KIAA1549L: variants seen among roughly 807,000 people sequenced by gnomAD.
The protein encoded by KIAA1549L is KIAA1549 like, also known as UPF0606 protein KIAA1549L.
In KIAA1549L, 88 loss-of-function variants were observed where a neutral mutation model predicts 160.7. That is an observed-to-expected ratio of 0.55 (90% CI 0.46 to 0.65). KIAA1549L has a LOEUF of 0.65. KIAA1549L is among the 30% of genes least tolerant of loss of function. The probability of loss-of-function intolerance (pLI) is 0.00; values close to 1 mark genes in which losing one functional copy is unlikely to be tolerated. For missense variants in KIAA1549L, 2,258 were observed against 2,437.5 expected, an observed-to-expected ratio of 0.93 and a Z score of 1.55; for synonymous variants, 950 against 976.7, an observed-to-expected ratio of 0.97 and a Z score of 0.51.
At chr11:33,452,151 C>A (rs1851733455) in intron 1 of KIAA1549L, among the ~76,000 whole-genome samples, 1 of 152,204 alleles carries the variant, frequency 6.6e-6, no homozygotes, top group Non-Finnish European at 1.5e-5. Flanking sequence ...TTCATTTGCC[C>A]AGCTCTCACA....
chr11:33,610,932 G>T (rs75938310), intron 15 of KIAA1549L, among the ~76,000 whole-genome samples: 1 of 152,186 alleles, frequency 6.6e-6, no homozygotes, highest in Admixed American at 6.5e-5. Context: ...GCAAGAGCAG[G>T]CCAAATAATG....
At chr11:33,490,760 C>T (rs1167646609) in intron 1 of KIAA1549L, among the ~76,000 whole-genome samples, 1 of 152,198 alleles carries the variant, frequency 6.6e-6, no homozygotes, top group Non-Finnish European at 1.5e-5. Flanking sequence ...CCTGCCTTTG[C>T]ATTGACATTT....
At chr11:33,397,283 G>C (rs1436700579) in intron 1 of KIAA1549L, among the ~76,000 whole-genome samples, 1 of 147,726 alleles carries the variant, frequency 6.8e-6, no homozygotes, top group African/African-American at 2.5e-5. Context: ...GCAGTGAGCT[G>C]GGGTTGTGCC....
chr11:33,554,449 T>G (rs1854577518), intron 6 of KIAA1549L, among the ~76,000 whole-genome samples: 1 of 152,176 alleles, frequency 6.6e-6, no homozygotes, highest in African/African-American at 2.4e-5. Flanking sequence ...AGGTTCACAT[T>G]TATTCCGACA....
At chr11:33,540,089 T>C (rs1220979057) in intron 1 of KIAA1549L, among the ~76,000 whole-genome samples, 4 of 152,214 alleles carry the variant, frequency 2.6e-5, no homozygotes, top group Admixed American at 1.3e-4. Context: ...TTGGCCGTGG[T>C]CATTCAGTCA....
intron 11 of KIAA1549L, among the ~76,000 whole-genome samples, chr11:33,585,854 T>C (rs570765959): frequency 5.9e-5 from 9 of 152,346 alleles, no homozygotes; most frequent in African/African-American, 1.7e-4. Context: ...GTGAGATACC[T>C]GGCTGACATT....
chr11:33,628,754 G>A lies in KIAA1549L; in HGVS notation c.5409+10092G>A, dbSNP rs1437125594. Among the ~76,000 whole-genome samples the A allele has an allele frequency of 2.0e-5, 3 of 151,056 alleles. No individual in the cohort carries two copies. The East Asian group carries it at 5.8e-4, about 29-fold the overall frequency. Reference sequence around the variant, plus strand: ...CTCTTTATCCAATTTGCCAGTCTGTGTCTTTTAATTGGAGCATTTAGTCCA... The same window carrying A: ...CTCTTTATCCAATTTGCCAGTCTGTATCTTTTAATTGGAGCATTTAGTCCA... On this transcript the variant is annotated intron_variant, in intron 16 of 20. Transcript: ENST00000658780.
chr11:33,486,499 C>T lies in KIAA1549L; in HGVS notation c.239-55303C>T, dbSNP rs553093347. Among the ~76,000 whole-genome samples the T allele has an allele frequency of 7.2e-5, 11 of 152,198 alleles. No individual in the cohort carries two copies. In the East Asian group the frequency reaches 7.7e-4, roughly 11 times the overall value. On this transcript the variant is annotated intron_variant, in intron 1 of 20. Coordinates refer to ENST00000658780, the MANE Select transcript of KIAA1549L (RefSeq NM_012194.3). ...TCCTTGGGGCTACCCCTACTCAAAA[C>T]GAATTTAACTACTTAATGCATATAC...
intron 5 of KIAA1549L, 31 bp downstream of exon 5, chr11:33,551,290 C>A: frequency 6.3e-7 from 1 of 1,586,646 alleles, no homozygotes. Flanking sequence ...GGATTTTCAT[C>A]CATTCTTGGG....
intron 1 of KIAA1549L, among the ~76,000 whole-genome samples, chr11:33,405,839 CAAAAAA>C (rs35479859): frequency 1.5e-5 from 1 of 68,872 alleles, no homozygotes; most frequent in Non-Finnish European, 2.7e-5. Flanking sequence ...CAGTCTGTCT[CAAAAAA>C]AAAAAAAAAA....
chr11:33,459,978 G>A (rs72911158), intron 1 of KIAA1549L, among the ~76,000 whole-genome samples: 614 of 96,390 alleles, frequency 6.4e-3, no homozygotes, highest in African/African-American at 9.2e-3. Flanking sequence ...AAAAAAAAAA[G>A]AAATAGCCTT....
chr11:33,603,382 G>A (rs1353466800), intron 13 of KIAA1549L, among the ~76,000 whole-genome samples: 1 of 151,996 alleles, frequency 6.6e-6, no homozygotes, highest in Non-Finnish European at 1.5e-5. Context: ...GTTAAGGAAA[G>A]TCATTTTTAA....
intron 1 of KIAA1549L, among the ~76,000 whole-genome samples, chr11:33,454,811 T>A (rs2756288): frequency 3.9e-5 from 6 of 151,984 alleles, no homozygotes; most frequent in Non-Finnish European, 8.8e-5. Flanking sequence ...ATTTGGTGGC[T>A]GGGCGCGGTG....
intron 1 of KIAA1549L, among the ~76,000 whole-genome samples, chr11:33,382,766 A>G (rs561747754): frequency 2.5e-4 from 38 of 152,148 alleles, no homozygotes; most frequent in African/African-American, 9.2e-4. Context: ...AAGTAAAGAA[A>G]ATGATCTTGG....
chr11:33,564,781 C>T (rs1854993163), intron 8 of KIAA1549L, among the ~76,000 whole-genome samples: 2 of 152,192 alleles, frequency 1.3e-5, no homozygotes, highest in South Asian at 2.1e-4. Flanking sequence ...TTCACATTCT[C>T]CTTTTGTAGG....
At chr11:33,468,506 C>T (rs1852108309) in intron 1 of KIAA1549L, among the ~76,000 whole-genome samples, 1 of 152,240 alleles carries the variant, frequency 6.6e-6, no homozygotes, top group Non-Finnish European at 1.5e-5. Flanking sequence ...TGAGCCAGGA[C>T]ACACCTGCGA....
intron 11 of KIAA1549L, among the ~76,000 whole-genome samples, chr11:33,586,562 C>T (rs140425452): frequency 8.5e-4 from 129 of 152,222 alleles, no homozygotes; most frequent in African/African-American, 2.9e-3. Context: ...GAAGAGATCA[C>T]GTTTCCCTGG....
intron 12 of KIAA1549L, among the ~76,000 whole-genome samples, chr11:33,597,941 A>G (rs1423972326): frequency 1.3e-5 from 2 of 152,206 alleles, no homozygotes; most frequent in African/African-American, 4.8e-5. Flanking sequence ...GGCAGCCACC[A>G]AATCAGTGGC....
intron 1 of KIAA1549L, among the ~76,000 whole-genome samples, chr11:33,382,600 A>G (rs1412396444): frequency 2.0e-5 from 3 of 152,200 alleles, no homozygotes; most frequent in African/African-American, 7.2e-5. Context: ...CATGAAAGAC[A>G]TATGACCAGA....
Sources: allele counts gnomAD v4.1 joint callset (sites outside exome capture counted in the v4.1 genomes callset), GRCh38; gene constraint gnomAD v4.1.1; transcripts MANE v1.5; gene names NCBI Gene and HGNC (gene_info 2026-07-23, HGNC 2026-07-21).